CXorf58: variants seen among roughly 807,000 people sequenced by gnomAD.
The protein encoded by CXorf58 is uncharacterized protein CXorf58.
CXorf58 carries 24 observed loss-of-function variants against 26.0 expected under a neutral mutation model. The ratio of observed to expected loss-of-function variants is 0.92; its 90% CI spans 0.67 to 1.30. The LOEUF (loss-of-function observed/expected upper bound fraction) is 1.30, where lower values mean the gene tolerates loss of function less well. Among genes scored for constraint, CXorf58 ranks in the 50% most tolerant of loss-of-function variants. CXorf58 has a pLI of 0.00. For synonymous variants in CXorf58, 87 were observed against 86.1 expected, an observed-to-expected ratio of 1.01 and a Z score of -0.06; for missense variants, 236 against 263.9, an observed-to-expected ratio of 0.89 and a Z score of 0.73.
intron 6 of CXorf58, among the ~76,000 whole-genome samples, chrX:23,929,510 A>G (rs137985635): frequency 0.015 from 1,657 of 111,714 alleles, 29 homozygotes; most frequent in African/African-American, 0.05. Flanking sequence ...CTTCAATTCT[A>G]TGAAGGATCA....
At position 23,935,363 on chromosome X, in the gene CXorf58, G is replaced by A; in HGVS notation, c.723G>A (p.Leu241=). The A allele has an allele frequency of 8.3e-7, 1 of 1,210,927 alleles. No individual in the cohort carries two copies. Among genetic ancestry groups the A allele is most frequent in the Non-Finnish European group, 1.1e-6 (1 of 894,786 alleles). Residue 241 remains leucine (L), a synonymous_variant, in exon 7 of 9, where the codon CTG becomes CTA. Transcript: ENST00000379211. ...GTCTACGAAATGAAATGAAGTTTCT[G>A]TTACAGAGACCAGTAACGCAAGAGA... ...SNRLRNEMKF[L]LQRPVTQEIH... is the part of the protein sequence containing the mutation.
intron 3 of CXorf58, among the ~76,000 whole-genome samples, chrX:23,912,732 A>T: frequency 9.1e-6 from 1 of 110,157 alleles, no homozygotes; most frequent in Admixed American, 9.7e-5. Context: ...CGACAGTGAG[A>T]CTCTGTCCCC....
At chrX:23,913,820 T>C (rs962160041) in intron 3 of CXorf58, among the ~76,000 whole-genome samples, 1 of 109,478 alleles carries the variant, frequency 9.1e-6, no homozygotes, top group African/African-American at 3.3e-5. Context: ...AGGTGGAGGT[T>C]ATAGTGAGCC....
chrX:23,916,978 G>T (rs1927743551), intron 5 of CXorf58, among the ~76,000 whole-genome samples: 4 of 110,039 alleles, frequency 3.6e-5, no homozygotes, highest in Middle Eastern at 4.7e-3. Flanking sequence ...TTAATGGAAT[G>T]TTATTATTTC....
intron 7 of CXorf58, among the ~76,000 whole-genome samples, chrX:23,935,897 T>C (rs1462006488): frequency 9.1e-6 from 1 of 110,210 alleles, no homozygotes; most frequent in Non-Finnish European, 1.9e-5. Context: ...CTCAGCCTCC[T>C]GAGTAGCTGG....
At chrX:23,930,791 G>A (rs1325696797) in intron 6 of CXorf58, among the ~76,000 whole-genome samples, 1 of 111,310 alleles carries the variant, frequency 9.0e-6, no homozygotes. Context: ...ATGGGATCTT[G>A]CTATGTTTCC....
chrX:23,908,402 A>G (rs931013436), intron 1 of CXorf58, 73 bp downstream of exon 1: 2 of 112,717 alleles, frequency 1.8e-5, no homozygotes, highest in Non-Finnish European at 3.7e-5. Context: ...GGCAATAATT[A>G]TCTTATTAAC....
Position 23,908,305 on chromosome X carries a change from A to G in CXorf58, c.-45A>G, listed in dbSNP as rs1470777381. 8.9e-6 allele frequency: 1 copy of G among 112,827 alleles called. No homozygotes were observed. The highest frequency in any genetic ancestry group is 2.8e-4 in the East Asian group (1 of 3,614). The allele number at this position is 112,827 out of a possible 1,213,427, so 9.3% of individuals were successfully genotyped here. ...TTTAATCGGAAAAGGCTCTGACCTTATTTTTTCCCGTTAAGAAACAAGCGG... is the reference window on the plus strand; with the variant it reads ...TTTAATCGGAAAAGGCTCTGACCTTGTTTTTTCCCGTTAAGAAACAAGCGG... On this transcript the variant is annotated 5_prime_UTR_variant, in exon 1 of 9. Coordinates refer to ENST00000379211, the MANE Select transcript of CXorf58 (RefSeq NM_152761.3).
At chrX:23,915,097 G>A (rs921514629) in intron 3 of CXorf58, among the ~76,000 whole-genome samples, 1 of 112,707 alleles carries the variant, frequency 8.9e-6, no homozygotes, top group Non-Finnish European at 1.9e-5. Flanking sequence ...TCATGCCACC[G>A]CACTCGAGCC....
chrX:23,921,442 T>TAAAAGTGTGACCA (rs1927865020), intron 5 of CXorf58, among the ~76,000 whole-genome samples: 1 of 111,848 alleles, frequency 8.9e-6, no homozygotes, highest in African/African-American at 3.2e-5. Flanking sequence ...TGTGGTCATA[T>TAAAAGTGTGACCA]TATTGACCTT....
At chrX:23,938,241 T>C (rs779928299) in intron 7 of CXorf58, among the ~76,000 whole-genome samples, 1 of 111,592 alleles carries the variant, frequency 9.0e-6, no homozygotes. Flanking sequence ...AAGATTCAAA[T>C]GGCTACTACA....
chrX:23,925,786 CTTTTTTTTTTT>C lies in CXorf58; in HGVS notation c.424-1443_424-1433del, dbSNP rs11296283. Among the ~76,000 whole-genome samples the C allele has an allele frequency of 8.4e-5, 6 of 71,758 alleles. No homozygotes were observed. The East Asian group carries it at 2.0e-3, about 24-fold the overall frequency. 62.3% of individuals were successfully genotyped at this position (71,758 alleles called of 115,157 possible). On this transcript the variant is annotated intron_variant, in intron 5 of 8. Transcript: ENST00000379211. ...TTTGAATTTTCTTTTCTTTTCTTTT[CTTTTTTTTTTT>C]TTTTTTTTTGAGACAGAGTCTTGCT...
rs369841797 is a variant in CXorf58, at chrX:23,938,578, C to T, written c.817C>T (p.Arg273Trp). Residue 273 changes from arginine (R) to tryptophan (W), a missense_variant, in exon 8 of 9, where the codon CGG (arginine) becomes TGG (tryptophan). Coordinates refer to ENST00000379211, the MANE Select transcript of CXorf58 (RefSeq NM_152761.3). ...GPYLTVQPLY[R>W]PYKQQNQVKF... ...ATACTTAACTGTCCAACCTCTATAT[C>T]GGCCCTACAAACAGCAAAATCAAGT... 19 of 1,189,267 alleles carry T rather than the reference C, an allele frequency of 1.6e-5. No individual in the cohort carries two copies. The highest frequency in any genetic ancestry group is 2.3e-4 in the Middle Eastern group (1 of 4,262).
chrX:23,914,582 G>A (rs1169125932), intron 3 of CXorf58, among the ~76,000 whole-genome samples: 1 of 111,506 alleles, frequency 9.0e-6, no homozygotes, highest in Non-Finnish European at 1.9e-5. Context: ...TGTAAAATAG[G>A]CGTGATAATA....
rs755415158 is a variant in CXorf58 at position 23,911,764 on chromosome X, A to G, written c.124A>G (p.Lys42Glu). 21 of 1,171,584 alleles carry G rather than the reference A, an allele frequency of 1.8e-5. No individual in the cohort carries two copies. The highest frequency in any genetic ancestry group is 2.3e-5 in the Non-Finnish European group (20 of 869,196). ...RNARSLLSML[K>E]DISAQIIQRA... is the part of the protein sequence containing the mutation. ...CCTCTTTTTTTCTCTCAGAATGCTT[A>G]AAGACATTTCAGCTCAAATAATACA... The change falls in exon 3 of 9, where the codon AAA (lysine) becomes GAA (glutamate). Residue 42 changes from lysine to glutamate, a missense_variant. Transcript: ENST00000379211.
At chrX:23,936,380 TAG>T (rs1309189517) in intron 7 of CXorf58, among the ~76,000 whole-genome samples, 8 of 112,052 alleles carry the variant, frequency 7.1e-5, no homozygotes, top group African/African-American at 2.6e-4. Flanking sequence ...GCATATAAAT[TAG>T]AGTGACGTCA....
chrX:23,908,018 C>T lies in CXorf58; in HGVS notation c.-332C>T, dbSNP rs1927454749. The T allele has an allele frequency of 4.5e-6, 1 of 222,281 alleles. No individual in the cohort carries two copies. The highest frequency in any genetic ancestry group is 8.1e-6 in the Non-Finnish European group (1 of 122,930). 18.3% of individuals were successfully genotyped at this position (222,281 alleles called of 1,213,427 possible). On this transcript the variant is annotated 5_prime_UTR_variant, in exon 1 of 9. Transcript: ENST00000379211. ...GCGCCGGCTCTGTGTGGACGGTACG[C>T]GGAGGCGCGAGGAGGGAGGCGCCTG...
At chrX:23,916,376 C>G in intron 5 of CXorf58, 48 bp downstream of exon 5, 1 of 772,823 alleles carries the variant, frequency 1.3e-6, no homozygotes, top group South Asian at 2.3e-5. Context: ...TTTTTAACAT[C>G]TACATAGTAT....
chrX:23,910,996 C>A (rs1927564605), intron 2 of CXorf58, among the ~76,000 whole-genome samples: 1 of 110,109 alleles, frequency 9.1e-6, no homozygotes, highest in African/African-American at 3.3e-5. Context: ...GATCTCCTGG[C>A]CTCAGGTGAT....
Sources: allele counts gnomAD v4.1 joint callset (sites outside exome capture counted in the v4.1 genomes callset), GRCh38; gene constraint gnomAD v4.1.1; transcripts MANE v1.5; gene names NCBI Gene and HGNC (gene_info 2026-07-23, HGNC 2026-07-21).